The following MAGI1 variants were observed in gnomAD, a reference collection of about 807,000 sequenced individuals.
The protein encoded by MAGI1 is membrane-associated guanylate kinase, WW and PDZ domain-containing protein 1.
A neutral mutation model predicts 139.9 loss-of-function variants in MAGI1; 58 were observed. The ratio of observed to expected loss-of-function variants is 0.41; its 90% confidence interval spans 0.34 to 0.52. The LOEUF (loss-of-function observed/expected upper bound fraction) is 0.52, where lower values mean the gene tolerates loss of function less well. MAGI1 is among the 20% of genes least tolerant of loss of function. The pLI, the probability that MAGI1 is intolerant of heterozygous loss-of-function variation, is 0.12. For missense variants in MAGI1, 1,874 were observed against 1,901.6 expected, an observed-to-expected ratio of 0.99 and a Z score of 0.27; for synonymous variants, 812 against 737.9, an observed-to-expected ratio of 1.10 and a Z score of -1.63.
chr3:65,650,975 T>C (rs2085543571), intron 1 of MAGI1, among the ~76,000 whole-genome samples: 2 of 152,234 alleles, frequency 1.3e-5, no homozygotes, highest in South Asian at 4.1e-4. Flanking sequence ...TCTTGGTGTG[T>C]ATATAGTCAA....
At chr3:65,622,964 T>C (rs1286028243) in intron 1 of MAGI1, among the ~76,000 whole-genome samples, 1 of 152,174 alleles carries the variant, frequency 6.6e-6, no homozygotes, top group Non-Finnish European at 1.5e-5. Flanking sequence ...ATATAACAAC[T>C]ACTTTGCATA....
intron 2 of MAGI1, among the ~76,000 whole-genome samples, chr3:65,610,231 ATGCCCACCTTTCAATAGCTCGCCTC>A (rs1259188705): frequency 8.6e-4 from 131 of 152,256 alleles, no homozygotes; most frequent in African/African-American, 3.1e-3. Context: ...AAGACACTGA[ATGCCCACCTTTCAATAGCTCGCCTC>A]TGGGAGAACT....
At chr3:65,609,310 C>T (rs1480366842) in intron 2 of MAGI1, among the ~76,000 whole-genome samples, 1 of 150,534 alleles carries the variant, frequency 6.6e-6, no homozygotes, top group East Asian at 1.9e-4. Flanking sequence ...TGGAGTCTTG[C>T]TCTGTCACCC....
chr3:65,451,273 C>T (rs931825663), intron 6 of MAGI1, among the ~76,000 whole-genome samples: 3 of 152,180 alleles, frequency 2.0e-5, no homozygotes, highest in African/African-American at 7.2e-5. Context: ...CATTTTCATA[C>T]ATTCCCAGAA....
chr3:65,661,470 G>A (rs1339343859), intron 1 of MAGI1, among the ~76,000 whole-genome samples: 2 of 152,100 alleles, frequency 1.3e-5, no homozygotes, highest in Non-Finnish European at 2.9e-5. Flanking sequence ...AGCAACATAT[G>A]AATAACCATC....
intron 4 of MAGI1, among the ~76,000 whole-genome samples, chr3:65,474,263 T>TCAAA (rs10576686): frequency 6.6e-6 from 1 of 151,832 alleles, no homozygotes; most frequent in East Asian, 1.9e-4. Context: ...AGACCCTGTC[T>TCAAA]CAAACAAACA....
intron 1 of MAGI1, among the ~76,000 whole-genome samples, chr3:65,896,498 A>G (rs1311360765): frequency 6.6e-6 from 1 of 152,232 alleles, no homozygotes; most frequent in Non-Finnish European, 1.5e-5. Flanking sequence ...AAGGACATTC[A>G]ACAAAGAGTT....
intron 2 of MAGI1, among the ~76,000 whole-genome samples, chr3:65,561,071 C>T (rs879116082): frequency 6.6e-6 from 1 of 152,068 alleles, no homozygotes; most frequent in Admixed American, 6.5e-5. Flanking sequence ...TGGTACTTTC[C>T]CTGTTTCTCT....
At chr3:65,558,761 C>T (rs2080206968) in intron 2 of MAGI1, among the ~76,000 whole-genome samples, 1 of 152,122 alleles carries the variant, frequency 6.6e-6, no homozygotes, top group Admixed American at 6.5e-5. Flanking sequence ...GAGGACGAGC[C>T]TGGCAATCTA....
intron 1 of MAGI1, among the ~76,000 whole-genome samples, chr3:65,830,190 G>T (rs1316787971): frequency 3.9e-5 from 6 of 152,114 alleles, no homozygotes; most frequent in African/African-American, 1.2e-4. Flanking sequence ...TGTGTCAGAG[G>T]AAACATCTGT....
intron 1 of MAGI1, among the ~76,000 whole-genome samples, chr3:65,903,094 T>G (rs1189471840): frequency 1.3e-5 from 2 of 151,752 alleles, no homozygotes; most frequent in Non-Finnish European, 2.9e-5. Context: ...GCTAAAGCAA[T>G]CCCCCCACCT....
intron 1 of MAGI1, among the ~76,000 whole-genome samples, chr3:65,760,922 T>G (rs1391838220): frequency 6.6e-6 from 1 of 152,154 alleles, no homozygotes; most frequent in Admixed American, 6.5e-5. Context: ...AAACACTTCT[T>G]TGAAACAAGG....
At chr3:65,630,717 T>C (rs1272512222) in intron 1 of MAGI1, among the ~76,000 whole-genome samples, 5 of 151,814 alleles carry the variant, frequency 3.3e-5, no homozygotes, top group South Asian at 4.2e-4. Flanking sequence ...GGAGGGGAGA[T>C]TGAGAGGTGG....
At chr3:65,548,112 C>G (rs2079590276) in intron 2 of MAGI1, among the ~76,000 whole-genome samples, 1 of 152,198 alleles carries the variant, frequency 6.6e-6, no homozygotes, top group Non-Finnish European at 1.5e-5. Context: ...CCCATTCAGT[C>G]TGATGTGAAT....
At chr3:65,996,662 T>G (rs913248407) in intron 1 of MAGI1, among the ~76,000 whole-genome samples, 1 of 152,098 alleles carries the variant, frequency 6.6e-6, no homozygotes, top group African/African-American at 2.4e-5. Context: ...CTGTCAAAGT[T>G]GGGTGGAGAA....
At chr3:65,776,004 A>T (rs1050543968) in intron 1 of MAGI1, among the ~76,000 whole-genome samples, 2 of 152,126 alleles carry the variant, frequency 1.3e-5, no homozygotes, top group East Asian at 1.9e-4. Flanking sequence ...GCAAAACAAA[A>T]ACATTAAACA....
At chr3:65,505,156 A>T (rs571613448) in intron 2 of MAGI1, among the ~76,000 whole-genome samples, 27 of 152,308 alleles carry the variant, frequency 1.8e-4, no homozygotes, top group Non-Finnish European at 2.8e-4. Flanking sequence ...CCATTATGGC[A>T]GGTAATAATA....
chr3:65,860,385 T>A (rs192671331), intron 1 of MAGI1, among the ~76,000 whole-genome samples: 1 of 152,342 alleles, frequency 6.6e-6, no homozygotes, highest in East Asian at 1.9e-4. Context: ...AATATGTGAT[T>A]GTATTTAATC....
rs1176899313 is a variant in MAGI1, at chr3:65,812,468, T to TCTCTCTCTCACACACACACACACA, written c.314-190381_314-190380insTGTGTGTGTGTGTGTGAGAGAGAG. On this transcript the variant is annotated intron_variant, in intron 1 of 22. Coordinates refer to ENST00000402939, the MANE Select transcript of MAGI1 (RefSeq NM_001033057.2). Reference sequence around the variant, plus strand: ...CTTTCTCTCTCTCTCTCTCTCTCTCTCACACACACACACACACACACACTT... The same window carrying TCTCTCTCTCACACACACACACACA: ...CTTTCTCTCTCTCTCTCTCTCTCTCTCTCTCTCTCACACACACACACACACACACACACACACACACACACACTT... Among the ~76,000 whole-genome samples the TCTCTCTCTCACACACACACACACA allele has an allele frequency of 6.7e-5, 6 of 89,084 alleles. No individual in the cohort carries two copies. The East Asian group carries it at 1.7e-3, about 25-fold the overall frequency. 58.4% of individuals were successfully genotyped at this position (89,084 alleles called of 152,430 possible). A position where few individuals can be genotyped will look rare whatever the true frequency, so the allele number is the denominator to read the frequency against.
Sources: gnomAD v4.1 joint callset for allele counts (sites outside exome capture counted in the v4.1 genomes callset) on GRCh38, gnomAD v4.1.1 for gene constraint, MANE v1.5 for transcripts, NCBI Gene and HGNC (gene_info 2026-07-23, HGNC 2026-07-21) for gene names.